DHX35: variants seen among roughly 807,000 people sequenced by gnomAD.
DHX35 encodes the protein probable ATP-dependent RNA helicase DHX35.
In DHX35, 84 loss-of-function variants were observed where a neutral mutation model predicts 99.6. That is an observed-to-expected ratio of 0.84 (90% confidence interval 0.71 to 1.01). DHX35 has a LOEUF of 1.01. Ranked by LOEUF, DHX35 falls within the 50% of genes least tolerant of loss-of-function variation. DHX35 has a pLI of 0.00. For missense variants in DHX35, 852 were observed against 888.5 expected (o/e 0.96, Z 0.52); for synonymous variants, 331 against 316.2 (o/e 1.05, Z -0.50).
intron 9 of DHX35, among the ~76,000 whole-genome samples, chr20:39,002,176 G>C (rs1010328903): frequency 6.6e-6 from 1 of 152,190 alleles, no homozygotes; most frequent in Non-Finnish European, 1.5e-5. Context: ...TTGGTGATTT[G>C]AATCATTTGG....
intron 11 of DHX35, 65 bp downstream of exon 11, chr20:39,003,972 T>C: frequency 6.3e-7 from 1 of 1,579,864 alleles, no homozygotes. Context: ...GCTCCTTTAC[T>C]TGTTTTGAAA....
chr20:38,986,804 T>A (rs1301172897), intron 4 of DHX35, among the ~76,000 whole-genome samples: 2 of 152,236 alleles, frequency 1.3e-5, no homozygotes, highest in East Asian at 3.8e-4. Context: ...CTACATGATA[T>A]AGACCAGCTG....
intron 1 of DHX35, among the ~76,000 whole-genome samples, chr20:38,965,717 T>G (rs541216773): frequency 6.6e-6 from 1 of 152,340 alleles, no homozygotes; most frequent in South Asian, 2.1e-4. Context: ...ATAGCATGTC[T>G]GGGTACCTTA....
chr20:38,992,974 C>A (rs1336307238), intron 7 of DHX35, among the ~76,000 whole-genome samples: 1 of 152,126 alleles, frequency 6.6e-6, no homozygotes, highest in Non-Finnish European at 1.5e-5. Flanking sequence ...TGTATAATGA[C>A]CCCCATGTAC....
At chr20:39,001,892 C>G (rs201548867) in intron 9 of DHX35, 50 bp downstream of exon 9, 1 of 1,396,712 alleles carries the variant, frequency 7.2e-7, no homozygotes, top group East Asian at 2.3e-5. Context: ...AACTCAGCCT[C>G]TGATGTAGAA....
intron 7 of DHX35, among the ~76,000 whole-genome samples, chr20:38,993,517 T>C (rs2086374054): frequency 6.6e-6 from 1 of 152,240 alleles, no homozygotes; most frequent in African/African-American, 2.4e-5. Context: ...TTTGCCACCA[T>C]GCCTGGCTAA....
intron 5 of DHX35, among the ~76,000 whole-genome samples, chr20:38,989,265 G>GTTTTTTTTTTTTT (rs59991063): frequency 1.3e-4 from 15 of 111,880 alleles, no homozygotes; most frequent in African/African-American, 2.2e-4. Flanking sequence ...ACCCGGCTAA[G>GTTTTTTTTTTTTT]TTTTTTTTTT....
intron 21 of DHX35, among the ~76,000 whole-genome samples, chr20:39,035,782 T>G (rs1290948333): frequency 6.6e-6 from 1 of 152,196 alleles, no homozygotes; most frequent in Non-Finnish European, 1.5e-5. Flanking sequence ...TGGAAGGATC[T>G]CCTCATCTCT....
At position 39,024,835 on chromosome 20, in the gene DHX35, A is replaced by G. The variant is rs62202595; in HGVS notation, c.1672-395A>G. On this transcript the variant is annotated intron_variant, in intron 17 of 21. Transcript: ENST00000252011. ...ATAGTAATTTGTAAATTATTTCTACATTGGCAAGTGTCATATTGTTGGCTT... is the reference window on the plus strand; with the variant it reads ...ATAGTAATTTGTAAATTATTTCTACGTTGGCAAGTGTCATATTGTTGGCTT... Among the ~76,000 whole-genome samples, 1,299 of 152,356 alleles carry G rather than the reference A, an allele frequency of 8.5e-3. 20 individuals carry two copies. Among genetic ancestry groups the G allele is most frequent in the African/African-American group, 0.03 (1,238 of 41,586 alleles).
intron 3 of DHX35, 100 bp downstream of exon 3, chr20:38,972,751 C>T (rs1346459818): frequency 2.7e-6 from 2 of 751,394 alleles, no homozygotes; most frequent in African/African-American, 3.6e-5. Flanking sequence ...TTTAAGGTCT[C>T]CTTTCAGGAA....
chr20:38,962,515 C>A, intron 1 of DHX35, 108 bp downstream of exon 1: 1 of 1,385,984 alleles, frequency 7.2e-7, no homozygotes, highest in Non-Finnish European at 9.8e-7. Context: ...CTGACCTCGG[C>A]GAGCTGGGCG....
Position 39,018,837 on chromosome 20 carries a change from T to G in DHX35, c.1436T>G (p.Leu479Arg). 1 of 1,614,060 alleles carries G rather than the reference T, an allele frequency of 6.2e-7. No individual in the cohort carries two copies. The highest frequency in any genetic ancestry group is 1.1e-5 in the South Asian group (1 of 91,078). ...AAAGACTGTCGCCTAACTGAACCGC[T>G]TGGCATGAGAATTGCAGAGTTTCCT... ...LDKDCRLTEP[L>R]GMRIAEFPLN... The change falls in exon 15 of 22, where the codon CTT (leucine) becomes CGT (arginine). Residue 479 changes from leucine to arginine, a missense_variant. Leu to Arg is a moderately radical substitution (Grantham distance 102). Transcript: ENST00000252011.
At chr20:38,992,473 C>T in intron 7 of DHX35, 48 bp downstream of exon 7, 3 of 1,575,428 alleles carry the variant, frequency 1.9e-6, no homozygotes, top group Non-Finnish European at 2.6e-6. Flanking sequence ...ATTTTATTGC[C>T]TAATTACAAA....
chr20:38,986,762 A>G (rs1414942346), intron 4 of DHX35, among the ~76,000 whole-genome samples: 2 of 152,234 alleles, frequency 1.3e-5, no homozygotes. Context: ...AATGTAGGAT[A>G]ACTTTCTGGT....
At chr20:39,030,498 G>A (rs2087030632) in intron 19 of DHX35, 2 of 549,222 alleles carry the variant, frequency 3.6e-6, no homozygotes, top group South Asian at 2.4e-5. Context: ...TCTCCTCTTC[G>A]CTTTTTCCAC....
chr20:39,018,337 G>A (rs2086819094), intron 14 of DHX35, among the ~76,000 whole-genome samples: 1 of 152,032 alleles, frequency 6.6e-6, no homozygotes, highest in African/African-American at 2.4e-5. Flanking sequence ...GGAGAGTTGG[G>A]GGCCGGGAGC....
chr20:39,014,281 G>T (rs1265432153), intron 13 of DHX35, among the ~76,000 whole-genome samples: 1 of 152,178 alleles, frequency 6.6e-6, no homozygotes, highest in Non-Finnish European at 1.5e-5. Context: ...AAGGAAAGGA[G>T]GTAAAGATCT....
chr20:39,035,414 A>G (rs1463827993), intron 21 of DHX35, among the ~76,000 whole-genome samples: 1 of 152,232 alleles, frequency 6.6e-6, no homozygotes, highest in Non-Finnish European at 1.5e-5. Flanking sequence ...TTGTGGCCTG[A>G]AAATACTTGC....
chr20:39,002,673 A>G, intron 9 of DHX35, 99 bp from the exon 10 acceptor site: 1 of 1,054,186 alleles, frequency 9.5e-7, no homozygotes, highest in Non-Finnish European at 1.4e-6. Context: ...GGCAGGCCCA[A>G]ACTCACTTTG....
Sources: allele counts gnomAD v4.1 joint callset (sites outside exome capture counted in the v4.1 genomes callset), GRCh38; gene constraint gnomAD v4.1.1; transcripts MANE v1.5; gene names NCBI Gene and HGNC (gene_info 2026-07-23, HGNC 2026-07-21).